The following TMEM170A variants were observed in gnomAD, a reference collection of about 807,000 sequenced individuals.
TMEM170A encodes the protein transmembrane protein 170.
In TMEM170A, 18 loss-of-function variants were observed where a neutral mutation model predicts 12.8. The ratio of observed to expected loss-of-function variants is 1.41; its 90% CI spans 0.97 to 2.09. The LOEUF is 2.09. TMEM170A is among the 30% of genes most tolerant of loss of function. TMEM170A has a pLI of 0.00. For missense variants in TMEM170A, 220 were observed against 179.9 expected (o/e 1.22, Z -1.28); for synonymous variants, 107 against 76.2 (o/e 1.40, Z -2.11).
intron 1 of TMEM170A, among the ~76,000 whole-genome samples, chr16:75,463,059 G>A (rs2079935535): frequency 6.6e-6 from 1 of 151,974 alleles, no homozygotes; most frequent in African/African-American, 2.4e-5. Context: ...TAGAGAGAGA[G>A]AAAGAGAGCA....
At chr16:75,449,372 G>C (rs906375119) in intron 2 of TMEM170A, among the ~76,000 whole-genome samples, 8 of 148,762 alleles carry the variant, frequency 5.4e-5, no homozygotes, top group African/African-American at 1.5e-4. Context: ...CTTTCACCTA[G>C]GCTGGAATGC....
At chr16:75,448,528 C>T (rs1045511861) in intron 2 of TMEM170A, among the ~76,000 whole-genome samples, 2 of 152,052 alleles carry the variant, frequency 1.3e-5, no homozygotes, top group African/African-American at 2.4e-5. Flanking sequence ...TTTGGGAGGC[C>T]GAGATGGGTG....
At chr16:75,452,506 G>A (rs1177794160) in intron 1 of TMEM170A, 1 of 151,882 alleles carries the variant, frequency 6.6e-6, no homozygotes, top group Non-Finnish European at 1.5e-5. Context: ...ATGGAGTGCA[G>A]TGGGAGTTTC....
intron 2 of TMEM170A, among the ~76,000 whole-genome samples, chr16:75,448,159 T>A (rs1484923639): frequency 6.6e-6 from 1 of 152,194 alleles, no homozygotes; most frequent in African/African-American, 2.4e-5. Flanking sequence ...CTCCACCTTC[T>A]ATCACACTCA....
intron 1 of TMEM170A, among the ~76,000 whole-genome samples, chr16:75,455,970 T>G (rs1791117554): frequency 6.6e-6 from 1 of 151,594 alleles, no homozygotes; most frequent in African/African-American, 2.4e-5. Flanking sequence ...AGCACACTGT[T>G]AGTGTGTGTG....
rs532056567 is a variant in TMEM170A at position 75,459,180 on chromosome 16, C to T, written c.133+5288G>A. ...AAGTGCTGGGATTACAGGCATGAGC[C>T]ACTGTGCCCAGCCTAGACAGACATA... On this transcript the variant is annotated intron_variant, in intron 1 of 2. Transcript: ENST00000561878. Among the ~76,000 whole-genome samples, 4 of 152,222 alleles carry T rather than the reference C, an allele frequency of 2.6e-5. No individual in the cohort carries two copies. In the South Asian group the frequency reaches 8.3e-4, roughly 32 times the overall value.
Position 75,446,632 on chromosome 16 carries a change from A to AAAC in TMEM170A, c.*925_*926insGTT. The AAAC allele has an allele frequency of 6.6e-6, 1 of 152,210 alleles. No individual in the cohort carries two copies. 9.4% of individuals were successfully genotyped at this position (152,210 alleles called of 1,614,324 possible). A position where few individuals can be genotyped will look rare whatever the true frequency, so the allele number is the denominator to read the frequency against. On this transcript the variant is annotated 3_prime_UTR_variant, in exon 3 of 3. Coordinates refer to ENST00000561878, the MANE Select transcript of TMEM170A (RefSeq NM_145254.3). ...TAACTCTAGTTTCAGATGCACTTCT[A>AAAC]TAGTTTCTCAAGGGTCATTAGTATA... is the stretch of plus-strand genomic sequence containing the variant.
At chr16:75,461,645 G>T (rs1463753992) in intron 1 of TMEM170A, among the ~76,000 whole-genome samples, 1 of 152,124 alleles carries the variant, frequency 6.6e-6, no homozygotes, top group Admixed American at 6.6e-5. Context: ...CATTATTCCT[G>T]CCAAAGATGA....
At chr16:75,452,347 C>A (rs1031139250) in intron 1 of TMEM170A, among the ~76,000 whole-genome samples, 2 of 152,110 alleles carry the variant, frequency 1.3e-5, no homozygotes, top group African/African-American at 4.8e-5. Context: ...TGGCTCACTG[C>A]AGCCTTGACC....
intron 1 of TMEM170A, among the ~76,000 whole-genome samples, chr16:75,456,354 G>T (rs1179654510): frequency 6.6e-6 from 1 of 152,116 alleles, no homozygotes; most frequent in Non-Finnish European, 1.5e-5. Context: ...TTTGGAGGCT[G>T]AGGCGGGTGG....
At chr16:75,454,576 A>C (rs2079751400) in intron 1 of TMEM170A, among the ~76,000 whole-genome samples, 1 of 152,140 alleles carries the variant, frequency 6.6e-6, no homozygotes, top group Non-Finnish European at 1.5e-5. Context: ...CAGAGGTTGC[A>C]GTGAGCTCAG....
At chr16:75,462,811 T>C (rs78158318) in intron 1 of TMEM170A, among the ~76,000 whole-genome samples, 1,898 of 152,242 alleles carry the variant, frequency 0.012, 34 homozygotes, top group African/African-American at 0.043. Flanking sequence ...ATGTGGACAA[T>C]TGGGGAAATG....
At position 75,449,616 on chromosome 16, in the gene TMEM170A, G is replaced by A. The variant is rs186083501; in HGVS notation, c.305-1928C>T. Among the ~76,000 whole-genome samples the A allele has an allele frequency of 2.3e-3, 348 of 152,302 alleles. 2 individuals are homozygous for A. The highest frequency in any genetic ancestry group is 7.9e-3 in the African/African-American group (329 of 41,558). On this transcript the variant is annotated intron_variant, in intron 2 of 2. Transcript: ENST00000561878. ...TTACAGGCATAAGCCACCATGCCTG[G>A]CACATTTCACAAATGTGATGTGAAG... is the stretch of plus-strand genomic sequence containing the variant.
intron 2 of TMEM170A, among the ~76,000 whole-genome samples, chr16:75,449,169 C>G (rs1276543787): frequency 6.6e-6 from 1 of 152,162 alleles, no homozygotes; most frequent in African/African-American, 2.4e-5. Context: ...TCTCCTTTGT[C>G]ATAGTGTGTT....
At position 75,450,594 on chromosome 16, in the gene TMEM170A, C is replaced by G. The variant is rs1304025515; in HGVS notation, c.304+1075G>C. Among the ~76,000 whole-genome samples the G allele has an allele frequency of 3.9e-5, 6 of 152,166 alleles. No homozygotes were observed. The South Asian group carries it at 1.0e-3, about 26-fold the overall frequency. ...TTCATAACATCATGTTACTCCAATT[C>G]TTATTCAGAAAGTCCTAAGGGGAAA... On this transcript the variant is annotated intron_variant, in intron 2 of 2. Transcript: ENST00000561878.
chr16:75,455,288 C>T (rs150136262), intron 1 of TMEM170A, among the ~76,000 whole-genome samples: 3,119 of 144,720 alleles, frequency 0.022, 43 homozygotes, highest in Non-Finnish European at 0.027. Flanking sequence ...ACTCGGGAGG[C>T]GGAGCTTGCA....
intron 1 of TMEM170A, among the ~76,000 whole-genome samples, chr16:75,454,835 T>A (rs2079758571): frequency 6.6e-6 from 1 of 152,180 alleles, no homozygotes; most frequent in African/African-American, 2.4e-5. Context: ...AACCACCTTT[T>A]TGCAGGGTAA....
rs1338567310 is a variant in TMEM170A at position 75,445,052 on chromosome 16, G to A, written c.*2506C>T. ...TCCTTCAAAAGACATTTTTCAGTAA[G>A]AGGCATCCTTCAGTAGAGATGATGG... On this transcript the variant is annotated 3_prime_UTR_variant, in exon 3 of 3. Coordinates refer to ENST00000561878, the MANE Select transcript of TMEM170A (RefSeq NM_145254.3). 3.3e-5 allele frequency: 5 copies of A among 152,182 alleles called. No homozygotes were observed. Among genetic ancestry groups the A allele is most frequent in the Admixed American group, 2.0e-4 (3 of 15,278 alleles). The allele number at this position is 152,182 out of a possible 1,614,324, so 9.4% of individuals were successfully genotyped here.
chr16:75,457,436 T>C lies in TMEM170A; in HGVS notation c.134-5597A>G, dbSNP rs188133085. Among the ~76,000 whole-genome samples the C allele has an allele frequency of 7.2e-3, 1,102 of 152,290 alleles. 7 individuals are homozygous for C. Among genetic ancestry groups the C allele is most frequent in the Non-Finnish European group, 0.011 (722 of 68,026 alleles). On this transcript the variant is annotated intron_variant, in intron 1 of 2. Transcript: ENST00000561878. ...GAGGAAGAGATTCTCAATCTCTTGA[T>C]ACCTCTCTCTCTCTGCCATGTGAAG...
Sources: allele counts gnomAD v4.1 joint callset (sites outside exome capture counted in the v4.1 genomes callset), GRCh38; gene constraint gnomAD v4.1.1; transcripts MANE v1.5; gene names NCBI Gene and HGNC (gene_info 2026-07-23, HGNC 2026-07-21).